STPG2: variants seen among roughly 807,000 people sequenced by gnomAD.
The protein encoded by STPG2 is sperm tail PG-rich repeat containing 2.
In STPG2, 56 loss-of-function variants were observed where a neutral mutation model predicts 54.2. That is an observed-to-expected ratio of 1.03 (90% CI 0.83 to 1.29). STPG2 has a LOEUF of 1.29. Ranked by LOEUF, STPG2 falls within the 50% of genes most tolerant of loss-of-function variation. The pLI, the probability that STPG2 is intolerant of heterozygous loss-of-function variation, is 0.00. For missense variants in STPG2, 596 were observed against 544.9 expected, an observed-to-expected ratio of 1.09 and a Z score of -0.93; for synonymous variants, 200 against 181.8, an observed-to-expected ratio of 1.10 and a Z score of -0.81.
At chr4:97,535,385 T>G (rs998306900) in intron 4 of STPG2, among the ~76,000 whole-genome samples, 1 of 152,212 alleles carries the variant, frequency 6.6e-6, no homozygotes, top group African/African-American at 2.4e-5. Context: ...CCATCCACAA[T>G]CATTATAAAG....
chr4:98,090,442 AT>A (rs1560674624), intron 5 of STPG2, among the ~76,000 whole-genome samples: 1 of 151,670 alleles, frequency 6.6e-6, no homozygotes, highest in Non-Finnish European at 1.5e-5. Context: ...ACCATGTTTT[AT>A]TTTTGGTACA....
At chr4:97,474,217 CAATTT>C in intron 4 of STPG2, among the ~76,000 whole-genome samples, 1 of 150,930 alleles carries the variant, frequency 6.6e-6, no homozygotes, top group African/African-American at 2.4e-5. Flanking sequence ...ACATTTTGTT[CAATTT>C]TTCTGTGAAC....
intron 10 of STPG2, among the ~76,000 whole-genome samples, chr4:97,660,902 A>G (rs1285362251): frequency 3.9e-5 from 6 of 152,206 alleles, no homozygotes; most frequent in African/African-American, 1.4e-4. Context: ...ATATTATTTT[A>G]TTAGCTATAT....
chr4:97,448,465 T>A (rs558642721), intron 4 of STPG2, among the ~76,000 whole-genome samples: 1 of 152,216 alleles, frequency 6.6e-6, no homozygotes, highest in Non-Finnish European at 1.5e-5. Flanking sequence ...AATTGGATCA[T>A]GGGGGTGTTT....
intron 10 of STPG2, among the ~76,000 whole-genome samples, chr4:97,612,710 CAG>C (rs1378599774): frequency 6.6e-6 from 1 of 151,974 alleles, no homozygotes; most frequent in Non-Finnish European, 1.5e-5. Flanking sequence ...TTAGTTAAGA[CAG>C]AGGAAAATCT....
chr4:98,084,548 T>G lies in STPG2; in HGVS notation c.612+21405A>C, dbSNP rs1037650675. On this transcript the variant is annotated intron_variant, in intron 5 of 10. Coordinates refer to ENST00000295268, the MANE Select transcript of STPG2 (RefSeq NM_174952.3). ...AGAAACTGTCCAAATTTTTCCAGAG[T>G]GAGTTTATTATTTTACATTCCCATA... Among the ~76,000 whole-genome samples, 7 of 152,200 alleles carry G rather than the reference T, an allele frequency of 4.6e-5. No homozygotes were observed. In the South Asian group the frequency reaches 1.5e-3, roughly 32 times the overall value.
At position 98,099,058 on chromosome 4, in the gene STPG2, C is replaced by CA. The variant is rs981326922; in HGVS notation, c.612+6894dup. On this transcript the variant is annotated intron_variant, in intron 5 of 10. Coordinates refer to ENST00000295268, the MANE Select transcript of STPG2 (RefSeq NM_174952.3). Reference sequence around the variant, plus strand: ...TATGAAGAACAGTTTAGAGGTTCCTCAAAAAAAAAACTAAAAATAGAGCTG... The same window carrying CA: ...TATGAAGAACAGTTTAGAGGTTCCTCAAAAAAAAAAACTAAAAATAGAGCTG... Among the ~76,000 whole-genome samples the CA allele has an allele frequency of 6.7e-3, 969 of 145,612 alleles. 6 individuals are homozygous for CA. Among genetic ancestry groups the CA allele is most frequent in the Non-Finnish European group, 0.011 (706 of 65,902 alleles).
chr4:97,874,601 A>G (rs988807816), intron 8 of STPG2, among the ~76,000 whole-genome samples: 6 of 151,792 alleles, frequency 4.0e-5, no homozygotes, highest in African/African-American at 1.4e-4. Context: ...TTTTATAAAA[A>G]CAGATTCAAA....
At chr4:97,834,308 T>C (rs1728568175) in intron 9 of STPG2, among the ~76,000 whole-genome samples, 1 of 151,952 alleles carries the variant, frequency 6.6e-6, no homozygotes, top group Admixed American at 6.6e-5. Flanking sequence ...AGGTGAACAA[T>C]GAGAACACAT....
intron 8 of STPG2, among the ~76,000 whole-genome samples, chr4:97,850,451 T>C (rs1168103768): frequency 1.4e-5 from 2 of 146,060 alleles, no homozygotes; most frequent in Non-Finnish European, 3.0e-5. Flanking sequence ...TGAAGTAATT[T>C]TACCATTTTT....
rs34198207 is a variant in STPG2 at position 98,013,580 on chromosome 4, C to CTTTT, written c.613-32266_613-32263dup. Among the ~76,000 whole-genome samples, 100 of 74,596 alleles carry CTTTT rather than the reference C, an allele frequency of 1.3e-3. 9 individuals are homozygous for CTTTT. The highest frequency in any genetic ancestry group is 4.8e-3 in the African/African-American group (92 of 19,226). 48.9% of individuals were successfully genotyped at this position (74,596 alleles called of 152,430 possible). ...GGCTGTGAATCCATCTGGTCCTGGGCTTTTTTTTTTTTTTTTTTTTTTTTT... is the reference window on the plus strand; with the variant it reads ...GGCTGTGAATCCATCTGGTCCTGGGCTTTTTTTTTTTTTTTTTTTTTTTTTTTTT... On this transcript the variant is annotated intron_variant, in intron 5 of 10. Transcript: ENST00000295268.
At chr4:97,442,183 T>A (rs1729103102) in intron 4 of STPG2, among the ~76,000 whole-genome samples, 1 of 152,028 alleles carries the variant, frequency 6.6e-6, no homozygotes, top group Non-Finnish European at 1.5e-5. Context: ...TGCACAGAAT[T>A]TTTTCTGGCT....
At chr4:97,879,688 C>T (rs1461995200) in intron 8 of STPG2, among the ~76,000 whole-genome samples, 1 of 152,096 alleles carries the variant, frequency 6.6e-6, no homozygotes, top group African/African-American at 2.4e-5. Flanking sequence ...AAACACATCA[C>T]AGCCAATAGA....
intron 5 of STPG2, chr4:98,026,358 T>C: frequency 2.2e-6 from 1 of 462,574 alleles, no homozygotes. Flanking sequence ...GTTACCGATT[T>C]ATTCCTCTGC....
chr4:97,911,799 G>T (rs1216076335), intron 8 of STPG2, among the ~76,000 whole-genome samples: 1 of 152,102 alleles, frequency 6.6e-6, no homozygotes, highest in Non-Finnish European at 1.5e-5. Flanking sequence ...TGCAGGAGAA[G>T]GGTTCTCCAG....
In STPG2 at chr4:97,642,431, T is replaced by C. The variant is rs536952960; in HGVS notation, c.1320+70268A>G. Among the ~76,000 whole-genome samples, 4 of 151,486 alleles carry C rather than the reference T, an allele frequency of 2.6e-5. No individual in the cohort carries two copies. The East Asian group carries it at 5.8e-4, about 22-fold the overall frequency. On this transcript the variant is annotated intron_variant, in intron 10 of 10. Transcript: ENST00000295268. Reference sequence around the variant, plus strand: ...AGCATTTATGATAAATAACATTTGGTAAAAAATATAAAATGTACTTTGCCA... The same window carrying C: ...AGCATTTATGATAAATAACATTTGGCAAAAAATATAAAATGTACTTTGCCA...
At chr4:97,762,825 T>C (rs1430245862) in intron 9 of STPG2, among the ~76,000 whole-genome samples, 2 of 152,176 alleles carry the variant, frequency 1.3e-5, no homozygotes, top group Non-Finnish European at 2.9e-5. Context: ...CCTAAAATTA[T>C]ATGGCTAAAA....
intron 4 of STPG2, among the ~76,000 whole-genome samples, chr4:97,486,084 A>G (rs2148824232): frequency 6.6e-6 from 1 of 151,586 alleles, no homozygotes; most frequent in Non-Finnish European, 1.5e-5. Flanking sequence ...TGAAACAAAA[A>G]ATTCTAGAAG....
At chr4:97,838,329 A>G (rs1412477102) in intron 9 of STPG2, among the ~76,000 whole-genome samples, 1 of 151,422 alleles carries the variant, frequency 6.6e-6, no homozygotes, top group African/African-American at 2.4e-5. Flanking sequence ...CATATAACAA[A>G]TAGAATTATT....
Sources: allele counts gnomAD v4.1 joint callset (sites outside exome capture counted in the v4.1 genomes callset), GRCh38; gene constraint gnomAD v4.1.1; transcripts MANE v1.5; gene names NCBI Gene and HGNC (gene_info 2026-07-23, HGNC 2026-07-21).